GPC5: variants seen among roughly 807,000 people sequenced by gnomAD.
GPC5 encodes glypican-5.
GPC5 carries 47 observed loss-of-function variants against 53.9 expected under a neutral mutation model. The observed-to-expected ratio is 0.87, with a 90% CI of 0.69 to 1.11. GPC5 has a LOEUF of 1.11. GPC5 is among the 50% of genes most tolerant of loss of function. The pLI is 0.00. For missense variants in GPC5, 748 were observed against 713.1 expected (o/e 1.05, Z -0.56); for synonymous variants, 286 against 263.3 (o/e 1.09, Z -0.84).
rs571335614 is a variant in GPC5 at position 91,976,234 on chromosome 13, G to A, written c.1401+68177G>A. Among the ~76,000 whole-genome samples the A allele has an allele frequency of 2.0e-4, 31 of 152,220 alleles. No homozygotes were observed. In the South Asian group the frequency reaches 5.0e-3, roughly 24 times the overall value. On this transcript the variant is annotated intron_variant, in intron 6 of 7. Coordinates refer to ENST00000377067, the MANE Select transcript of GPC5 (RefSeq NM_004466.6). Reference sequence around the variant, plus strand: ...ACATGTATACATATGTAACTAACCTGCACGTTGTGCACATGTACCCTAAAC... The same window carrying A: ...ACATGTATACATATGTAACTAACCTACACGTTGTGCACATGTACCCTAAAC...
intron 2 of GPC5, among the ~76,000 whole-genome samples, chr13:91,544,179 A>G (rs1021927133): frequency 6.6e-6 from 1 of 150,384 alleles, no homozygotes; most frequent in African/African-American, 2.4e-5. Context: ...TATTTTGACT[A>G]TTTGAAAAAT....
intron 7 of GPC5, among the ~76,000 whole-genome samples, chr13:92,779,482 G>A (rs1485524022): frequency 2.0e-5 from 3 of 152,030 alleles, no homozygotes; most frequent in African/African-American, 7.2e-5. Context: ...TGTTTTCCCA[G>A]GTTGCATGGA....
At position 92,589,936 on chromosome 13, in the gene GPC5, T is replaced by C. The variant is rs554304692; in HGVS notation, c.1562-276346T>C. Among the ~76,000 whole-genome samples the C allele has an allele frequency of 3.9e-5, 6 of 152,342 alleles. No individual in the cohort carries two copies. In the South Asian group the frequency reaches 1.2e-3, roughly 32 times the overall value. Reference sequence around the variant, plus strand: ...CTAGTTCACTGCTTGTTGTTCGGGCTGTGTGGCCAAGGTTAAAAGGTTGAT... The same window carrying C: ...CTAGTTCACTGCTTGTTGTTCGGGCCGTGTGGCCAAGGTTAAAAGGTTGAT... On this transcript the variant is annotated intron_variant, in intron 7 of 7. Transcript: ENST00000377067.
At chr13:92,685,734 C>T (rs1474477466) in intron 7 of GPC5, among the ~76,000 whole-genome samples, 1 of 99,470 alleles carries the variant, frequency 1.0e-5, no homozygotes, top group Non-Finnish European at 1.9e-5. Flanking sequence ...CACCACAGTC[C>T]CCAGAGTGTG....
At chr13:92,193,434 T>C (rs1297838814) in intron 7 of GPC5, among the ~76,000 whole-genome samples, 1 of 152,206 alleles carries the variant, frequency 6.6e-6, no homozygotes, top group African/African-American at 2.4e-5. Flanking sequence ...CACTTTATTT[T>C]GTGTATGTAA....
intron 6 of GPC5, among the ~76,000 whole-genome samples, chr13:91,948,613 A>AC (rs1238052805): frequency 6.6e-6 from 1 of 152,206 alleles, no homozygotes; most frequent in Non-Finnish European, 1.5e-5. Flanking sequence ...GTTTAAAAAT[A>AC]CCCCATGAGT....
intron 7 of GPC5, among the ~76,000 whole-genome samples, chr13:92,698,711 T>C (rs1887637413): frequency 6.6e-6 from 1 of 152,170 alleles, no homozygotes; most frequent in Non-Finnish European, 1.5e-5. Context: ...AAATGGTATT[T>C]CTAGTTCTAG....
intron 2 of GPC5, among the ~76,000 whole-genome samples, chr13:91,501,515 A>G (rs1006424829): frequency 6.6e-6 from 1 of 151,840 alleles, no homozygotes; most frequent in Non-Finnish European, 1.5e-5. Flanking sequence ...TTGTCCTTGC[A>G]ATAGTTTGCT....
intron 7 of GPC5, among the ~76,000 whole-genome samples, chr13:92,738,479 G>A (rs1254577318): frequency 6.6e-6 from 1 of 151,928 alleles, no homozygotes; most frequent in Non-Finnish European, 1.5e-5. Flanking sequence ...AAAAATTTGA[G>A]AAAATACACA....
At chr13:92,847,501 C>T (rs1359178248) in intron 7 of GPC5, among the ~76,000 whole-genome samples, 2 of 152,038 alleles carry the variant, frequency 1.3e-5, no homozygotes, top group Non-Finnish European at 2.9e-5. Flanking sequence ...TTTAAAAGTC[C>T]CCCTTCACTC....
At chr13:92,055,628 C>T (rs2041068243) in intron 6 of GPC5, among the ~76,000 whole-genome samples, 1 of 152,138 alleles carries the variant, frequency 6.6e-6, no homozygotes, top group South Asian at 2.1e-4. Context: ...TCCAATCATA[C>T]CAAACAATTT....
chr13:92,568,975 T>G (rs1566297982), intron 7 of GPC5, among the ~76,000 whole-genome samples: 2 of 151,712 alleles, frequency 1.3e-5, no homozygotes, highest in Admixed American at 6.6e-5. Context: ...TGTGCACAAT[T>G]TGCAGGTTAG....
intron 7 of GPC5, among the ~76,000 whole-genome samples, chr13:92,830,011 T>C (rs944052512): frequency 1.3e-5 from 2 of 152,242 alleles, no homozygotes; most frequent in African/African-American, 2.4e-5. Context: ...TGCTGGTACT[T>C]GGAGCATTAA....
At chr13:92,216,470 G>A (rs914859105) in intron 7 of GPC5, among the ~76,000 whole-genome samples, 1 of 152,144 alleles carries the variant, frequency 6.6e-6, no homozygotes, top group Non-Finnish European at 1.5e-5. Context: ...GTCAGATCAG[G>A]GGTCTGATGC....
chr13:91,402,315 A>C (rs1367497425), intron 1 of GPC5, among the ~76,000 whole-genome samples: 2 of 152,238 alleles, frequency 1.3e-5, no homozygotes, highest in Non-Finnish European at 2.9e-5. Context: ...TAATAAAAAT[A>C]AACTCTTGAC....
At chr13:92,602,322 G>A (rs1302748636) in intron 7 of GPC5, among the ~76,000 whole-genome samples, 1 of 146,688 alleles carries the variant, frequency 6.8e-6, no homozygotes, top group Admixed American at 6.9e-5. Flanking sequence ...GTCCCTCTGT[G>A]GCATTTAAAA....
At chr13:92,151,432 T>A (rs1566457975) in intron 7 of GPC5, among the ~76,000 whole-genome samples, 1 of 152,098 alleles carries the variant, frequency 6.6e-6, no homozygotes, top group East Asian at 1.9e-4. Flanking sequence ...ATCTCTAAAA[T>A]ACTCTCTATT....
chr13:92,587,398 ACT>A (rs1287709625), intron 7 of GPC5, among the ~76,000 whole-genome samples: 6 of 152,120 alleles, frequency 3.9e-5, no homozygotes, highest in African/African-American at 1.4e-4. Context: ...GAATTATGTG[ACT>A]CTCTCAAGGT....
chr13:92,786,717 A>G (rs191077054), intron 7 of GPC5, among the ~76,000 whole-genome samples: 1 of 152,328 alleles, frequency 6.6e-6, no homozygotes, highest in East Asian at 1.9e-4. Context: ...GTTCAAGGAC[A>G]AAGTAATACT....
Sources: allele counts gnomAD v4.1 joint callset (sites outside exome capture counted in the v4.1 genomes callset), GRCh38; gene constraint gnomAD v4.1.1; transcripts MANE v1.5; gene names NCBI Gene and HGNC (gene_info 2026-07-23, HGNC 2026-07-21).